SGSM1: variants seen among roughly 807,000 people sequenced by gnomAD.
The protein encoded by SGSM1 is RUN and TBC1 domain containing 2.
A neutral mutation model predicts 133.8 loss-of-function variants in SGSM1; 73 were observed. The observed-to-expected ratio is 0.55, with a 90% CI of 0.45 to 0.66. SGSM1 has a LOEUF of 0.66. Among genes scored for constraint, SGSM1 ranks in the 30% least tolerant of loss-of-function variants. The pLI is 0.00. For missense variants in SGSM1, 1,213 were observed against 1,448.1 expected, an observed-to-expected ratio of 0.84 and a Z score of 2.64; for synonymous variants, 563 against 573.0, an observed-to-expected ratio of 0.98 and a Z score of 0.25.
Position 24,893,335 on chromosome 22 carries a change from T to C in SGSM1, c.1771-96T>C. 6 of 1,298,314 alleles carry C rather than the reference T, an allele frequency of 4.6e-6. 1 individual carries two copies. The South Asian group carries it at 5.7e-5, about 12-fold the overall frequency. The allele number at this position is 1,298,314 out of a possible 1,614,324, so 80.4% of individuals were successfully genotyped here. A position where few individuals can be genotyped will look rare whatever the true frequency, so the allele number is the denominator to read the frequency against. On this transcript the variant is annotated intron_variant, in intron 16 of 24. Transcript: ENST00000400358. Reference sequence around the variant, plus strand: ...CTGCTGGATGTTAACTGCGTGAATGTTGGATGGATCAGAGCCACTCTCTTC... The same window carrying C: ...CTGCTGGATGTTAACTGCGTGAATGCTGGATGGATCAGAGCCACTCTCTTC...
intron 5 of SGSM1, among the ~76,000 whole-genome samples, chr22:24,853,760 G>A (rs954630247): frequency 2.1e-5 from 3 of 145,588 alleles, no homozygotes; most frequent in East Asian, 2.0e-4. Flanking sequence ...GCACCACCAC[G>A]CCTGGTGAAT....
At chr22:24,837,042 G>T (rs1480993968) in intron 2 of SGSM1, among the ~76,000 whole-genome samples, 1 of 152,202 alleles carries the variant, frequency 6.6e-6, no homozygotes, top group East Asian at 1.9e-4. Flanking sequence ...GTCTCTCCCT[G>T]TGTGCGGCAA....
At chr22:24,864,852 C>G (rs531442223) in intron 9 of SGSM1, among the ~76,000 whole-genome samples, 1 of 152,326 alleles carries the variant, frequency 6.6e-6, no homozygotes, top group African/African-American at 2.4e-5. Flanking sequence ...GCTGCTAAAA[C>G]ACGCAAATGA....
At chr22:24,900,385 T>TTCTTTCTTTCTTTCTTTCTG (rs1555935544) in intron 19 of SGSM1, among the ~76,000 whole-genome samples, 22 of 71,336 alleles carry the variant, frequency 3.1e-4, no homozygotes, top group African/African-American at 1.1e-3. Context: ...CTTTCTTTCT[T>TTCTTTCTTTCTTTCTTTCTG]TCTTTCTTTC....
At chr22:24,873,413 T>C (rs1351492138) in intron 12 of SGSM1, among the ~76,000 whole-genome samples, 2 of 151,688 alleles carry the variant, frequency 1.3e-5, no homozygotes, top group African/African-American at 4.8e-5. Flanking sequence ...AGCTACTAGA[T>C]GACAGTAGCA....
chr22:24,860,516 C>G (rs5760699), intron 9 of SGSM1, among the ~76,000 whole-genome samples: 1 of 152,088 alleles, frequency 6.6e-6, no homozygotes, highest in Non-Finnish European at 1.5e-5. Flanking sequence ...AAAAAACTTT[C>G]TACAATGAAG....
At position 24,876,721 on chromosome 22, in the gene SGSM1, A is replaced by G. The variant is rs1333236118; in HGVS notation, c.1430+6A>G. 2 of 1,613,842 alleles carry G rather than the reference A, an allele frequency of 1.2e-6. 1 individual carries two copies. The highest frequency in any genetic ancestry group is 2.2e-5 in the South Asian group (2 of 91,062). ...AATGGCTGCAACCATGAGAGGTATG[A>G]GGGGCTTGAGCTGCAGATGGAGAGA... is the stretch of plus-strand genomic sequence containing the variant. On this transcript the variant is annotated splice_donor_region_variant and intron_variant, in intron 13 of 24. Coordinates refer to ENST00000400358, the MANE Select transcript of SGSM1 (RefSeq NM_001098497.3).
intron 2 of SGSM1, 77 bp downstream of exon 2, chr22:24,806,561 G>T (rs1927400650): frequency 1.4e-6 from 2 of 1,452,214 alleles, no homozygotes; most frequent in Non-Finnish European, 1.8e-6. Flanking sequence ...CTTCGTGGAA[G>T]GGTGGCCTCT....
At chr22:24,860,674 G>A (rs1300082801) in intron 9 of SGSM1, among the ~76,000 whole-genome samples, 7 of 150,294 alleles carry the variant, frequency 4.7e-5, no homozygotes, top group East Asian at 2.0e-4. Flanking sequence ...AGGCTGAGGC[G>A]GGTGGATCAT....
intron 9 of SGSM1, among the ~76,000 whole-genome samples, chr22:24,862,017 C>T (rs1022647562): frequency 1.3e-5 from 2 of 149,804 alleles, no homozygotes; most frequent in African/African-American, 5.0e-5. Flanking sequence ...TGCAATGGCA[C>T]AATCTCGGCT....
chr22:24,868,156 T>G (rs1404654991), intron 10 of SGSM1, among the ~76,000 whole-genome samples: 1 of 152,144 alleles, frequency 6.6e-6, no homozygotes, highest in Non-Finnish European at 1.5e-5. Flanking sequence ...CTTCTTGACT[T>G]TGTCCTGTAG....
chr22:24,845,961 C>CTTTTCTTTTCT (rs1023234257), intron 3 of SGSM1, among the ~76,000 whole-genome samples: 15 of 104,916 alleles, frequency 1.4e-4, no homozygotes, highest in African/African-American at 4.5e-4. Context: ...TTCTTTCTTT[C>CTTTTCTTTTCT]TTTCTTTCTT....
In SGSM1 at chr22:24,855,045, A is replaced by C; in HGVS notation, c.505A>C (p.Ile169Leu). 1 of 1,613,252 alleles carries C rather than the reference A, an allele frequency of 6.2e-7. No individual in the cohort carries two copies. The highest frequency in any genetic ancestry group is 8.5e-7 in the Non-Finnish European group (1 of 1,179,688). Residue 169 changes from isoleucine (I) to leucine (L), a missense_variant, in exon 6 of 25, where the codon ATC becomes CTC. Ile to Leu is a conservative substitution (Grantham distance 5). Transcript: ENST00000400358. ...ALLMDPVDGP[I>L]LASLLVGPCA... ...CCTGATGGACCCTGTGGACGGCCCC[A>C]TCCTTGCATCTTTGTTGGGTAAGTT... is the stretch of plus-strand genomic sequence containing the variant.
chr22:24,866,066 C>G (rs1452587278), intron 9 of SGSM1, among the ~76,000 whole-genome samples: 2 of 152,186 alleles, frequency 1.3e-5, no homozygotes, highest in East Asian at 3.9e-4. Flanking sequence ...GGTGCATTTC[C>G]ATGGCCACCA....
intron 21 of SGSM1, among the ~76,000 whole-genome samples, chr22:24,905,704 G>A (rs1045184467): frequency 1.3e-5 from 2 of 151,382 alleles, no homozygotes; most frequent in African/African-American, 2.4e-5. Context: ...CAGGAGAATG[G>A]CGTGAACCCG....
At chr22:24,834,061 A>G (rs1929283421) in intron 2 of SGSM1, among the ~76,000 whole-genome samples, 1 of 152,262 alleles carries the variant, frequency 6.6e-6, no homozygotes, top group South Asian at 2.1e-4. Context: ...ACTATGAGGG[A>G]GGACACAGGC....
At chr22:24,856,611 A>G (rs963304232) in intron 8 of SGSM1, among the ~76,000 whole-genome samples, 2 of 152,162 alleles carry the variant, frequency 1.3e-5, no homozygotes. Flanking sequence ...AGGGAAAACC[A>G]TCAGCCACTC....
intron 12 of SGSM1, 144 bp downstream of exon 12, chr22:24,868,999 G>A: frequency 1.6e-6 from 2 of 1,263,968 alleles, no homozygotes; most frequent in Non-Finnish European, 1.1e-6. Flanking sequence ...TTTCTTGGCA[G>A]CCTCAGTTTC....
chr22:24,814,049 C>T (rs967283063), intron 2 of SGSM1: 6 of 152,130 alleles, frequency 3.9e-5, no homozygotes, highest in African/African-American at 1.4e-4. Context: ...TCTAAGTGGA[C>T]GAGGTTGGAC....
Sources: allele counts gnomAD v4.1 joint callset (sites outside exome capture counted in the v4.1 genomes callset), GRCh38; gene constraint gnomAD v4.1.1; transcripts MANE v1.5; gene names NCBI Gene and HGNC (gene_info 2026-07-23, HGNC 2026-07-21).